GRIA1: variants seen among roughly 807,000 people sequenced by gnomAD.
GRIA1 encodes the protein glutamate ionotropic receptor AMPA type subunit 1, also known as glutamate receptor 1.
GRIA1 carries 31 observed loss-of-function variants against 99.2 expected under a neutral mutation model. The ratio of observed to expected loss-of-function variants is 0.31; its 90% CI spans 0.23 to 0.42. GRIA1 has a LOEUF of 0.42. Among genes scored for constraint, GRIA1 ranks in the 10% least tolerant of loss-of-function variants. GRIA1 has a pLI of 1.00. For missense variants in GRIA1, 782 were observed against 1,157.5 expected, an observed-to-expected ratio of 0.68 and a Z score of 4.71; for synonymous variants, 438 against 432.4, an observed-to-expected ratio of 1.01 and a Z score of -0.16.
chr5:153,655,754 A>G, intron 4 of GRIA1, 65 bp from the exon 5 acceptor site: 1 of 1,352,926 alleles, frequency 7.4e-7, no homozygotes, highest in Non-Finnish European at 1.1e-6. Flanking sequence ...TGCCGTTATT[A>G]CTGTTGTTGT....
chr5:153,526,505 T>C (rs1466130498), intron 2 of GRIA1, among the ~76,000 whole-genome samples: 1 of 152,206 alleles, frequency 6.6e-6, no homozygotes, highest in Non-Finnish European at 1.5e-5. Flanking sequence ...ATATCAAACA[T>C]TAACAACCTG....
chr5:153,795,042 A>G (rs572690041), intron 14 of GRIA1, among the ~76,000 whole-genome samples: 37 of 152,106 alleles, frequency 2.4e-4, no homozygotes, highest in African/African-American at 8.2e-4. Flanking sequence ...ACCTCCTCCA[A>G]CTGAGGGCAG....
chr5:153,680,382 G>A (rs920624331), intron 7 of GRIA1, among the ~76,000 whole-genome samples: 2 of 152,040 alleles, frequency 1.3e-5, no homozygotes, highest in African/African-American at 4.8e-5. Context: ...CTCATATGTC[G>A]CCTTCTGGAC....
intron 2 of GRIA1, among the ~76,000 whole-genome samples, chr5:153,591,124 T>C (rs1763936892): frequency 6.6e-6 from 1 of 152,120 alleles, no homozygotes; most frequent in Non-Finnish European, 1.5e-5. Context: ...GAGCGAAGAG[T>C]TGAGTGGAGA....
At chr5:153,609,992 A>C (rs1474994280) in intron 2 of GRIA1, among the ~76,000 whole-genome samples, 2 of 152,236 alleles carry the variant, frequency 1.3e-5, no homozygotes, top group African/African-American at 4.8e-5. Flanking sequence ...AGAACTCCTA[A>C]AGCCCCTATG....
At chr5:153,572,341 C>T (rs934793065) in intron 2 of GRIA1, among the ~76,000 whole-genome samples, 8 of 152,160 alleles carry the variant, frequency 5.3e-5, no homozygotes, top group Non-Finnish European at 1.2e-4. Context: ...GCAAAGAGTA[C>T]ACCATCAAGA....
At chr5:153,792,830 C>A (rs1331956167) in intron 13 of GRIA1, among the ~76,000 whole-genome samples, 2 of 151,978 alleles carry the variant, frequency 1.3e-5, no homozygotes, top group Admixed American at 6.6e-5. Flanking sequence ...CATAAAGGTA[C>A]CTAAAAGACT....
intron 11 of GRIA1, 199 bp downstream of exon 11, chr5:153,706,266 G>A (rs1456876298): frequency 1.7e-6 from 1 of 602,052 alleles, no homozygotes; most frequent in South Asian, 2.0e-5. Context: ...GGCCATCTCT[G>A]TCTGCTCTCT....
chr5:153,552,889 T>G (rs1204744068), intron 2 of GRIA1, among the ~76,000 whole-genome samples: 1 of 152,198 alleles, frequency 6.6e-6, no homozygotes, highest in African/African-American at 2.4e-5. Flanking sequence ...GTATCTAAGC[T>G]TAGGATGAAT....
intron 2 of GRIA1, among the ~76,000 whole-genome samples, chr5:153,495,464 A>G (rs1754321126): frequency 6.6e-6 from 1 of 152,202 alleles, no homozygotes; most frequent in African/African-American, 2.4e-5. Context: ...ACTGTGACAG[A>G]TACACTGATT....
Position 153,530,312 on chromosome 5 carries a change from AC to A in GRIA1, c.220+36248del, listed in dbSNP as rs544122944. ...ACACTGCTCTGTAGATGTTAAAATTACTTTTGGTGAACTTTAAGTAACTATC... is the reference window on the plus strand; with the variant it reads ...ACACTGCTCTGTAGATGTTAAAATTATTTTGGTGAACTTTAAGTAACTATC... On this transcript the variant is annotated intron_variant, in intron 2 of 15. Coordinates refer to ENST00000285900, the MANE Select transcript of GRIA1 (RefSeq NM_000827.4). Among the ~76,000 whole-genome samples the A allele has an allele frequency of 1.1e-3, 169 of 152,350 alleles. 1 individual carries two copies. The highest frequency in any genetic ancestry group is 3.9e-3 in the African/African-American group (164 of 41,578).
At chr5:153,783,677 C>G (rs1189138582) in intron 13 of GRIA1, among the ~76,000 whole-genome samples, 1 of 152,132 alleles carries the variant, frequency 6.6e-6, no homozygotes, top group Non-Finnish European at 1.5e-5. Context: ...TTCAAGAAAC[C>G]CCTATGGTTT....
chr5:153,582,714 G>T (rs900473620), intron 2 of GRIA1, among the ~76,000 whole-genome samples: 6 of 152,174 alleles, frequency 3.9e-5, no homozygotes, highest in Non-Finnish European at 8.8e-5. Flanking sequence ...TTAATTCAGT[G>T]TTCATAAACC....
intron 2 of GRIA1, among the ~76,000 whole-genome samples, chr5:153,632,748 G>A (rs1290600612): frequency 6.6e-6 from 1 of 152,086 alleles, no homozygotes; most frequent in African/African-American, 2.4e-5. Flanking sequence ...CAGGCCCTGA[G>A]ACTTTTGAAA....
chr5:153,572,528 A>T lies in GRIA1; in HGVS notation c.221-74400A>T, dbSNP rs144274453. ...ACATCATCCAAGTTCAGCTGGGAAG[A>T]ATGCCACAATTGATTAGAGCTGTCA... On this transcript the variant is annotated intron_variant, in intron 2 of 15. Transcript: ENST00000285900. 8.7e-4 allele frequency among the ~76,000 whole-genome samples: 133 copies of T among 152,298 alleles called. No individual in the cohort carries two copies. In the East Asian group the frequency reaches 0.018, roughly 21 times the overall value.
chr5:153,528,981 C>T (rs938580126), intron 2 of GRIA1, among the ~76,000 whole-genome samples: 4 of 152,140 alleles, frequency 2.6e-5, no homozygotes, highest in South Asian at 2.1e-4. Context: ...CCCATCTTTC[C>T]GACCTCAAGA....
Position 153,646,949 on chromosome 5 carries a change from G to C in GRIA1, c.242G>C (p.Gly81Ala). Residue 81 changes from glycine to alanine, a missense_variant, in exon 3 of 16, where the codon GGA becomes GCA. By Grantham distance (60) the Gly-to-Ala change is moderately conservative. Around this residue, in one of 5 missense-constraint regions of GRIA1, gnomAD observed 461 missense variants for 521.7 expected, o/e 0.88. Coordinates refer to ENST00000285900, the MANE Select transcript of GRIA1 (RefSeq NM_000827.4). ...GTAGTCTGTTCCCAGTTCTCCAAAG[G>C]AGTCTATGCCATCTTTGGGTTTTAT... ...TYRFCSQFSK[G>A]VYAIFGFYER... is the part of the protein sequence containing the mutation. The C allele has an allele frequency of 1.2e-6, 2 of 1,613,706 alleles. No homozygotes were observed. The highest frequency in any genetic ancestry group is 1.7e-6 in the Non-Finnish European group (2 of 1,179,752).
chr5:153,650,260 C>T, intron 3 of GRIA1, 70 bp from the exon 4 acceptor site: 1 of 1,398,956 alleles, frequency 7.1e-7, no homozygotes, highest in East Asian at 2.3e-5. Context: ...AGGTAGGTGC[C>T]TGATGGGAGT....
At chr5:153,640,498 G>T (rs1020303142) in intron 2 of GRIA1, among the ~76,000 whole-genome samples, 1 of 152,210 alleles carries the variant, frequency 6.6e-6, no homozygotes, top group African/African-American at 2.4e-5. Context: ...TGTTTCTGGA[G>T]TTTTTCTGTT....
Sources: allele counts gnomAD v4.1 joint callset (sites outside exome capture counted in the v4.1 genomes callset), GRCh38; gene constraint gnomAD v4.1.1; regional missense constraint gnomAD v4.1.1; transcripts MANE v1.5; gene names NCBI Gene and HGNC (gene_info 2026-07-23, HGNC 2026-07-21).